The following HEPHL1 variants were observed in gnomAD, a reference collection of about 807,000 sequenced individuals.
HEPHL1 encodes ferroxidase HEPHL1.
A neutral mutation model predicts 122.0 loss-of-function variants in HEPHL1; 123 were observed. That is an observed-to-expected ratio of 1.01 (90% CI 0.87 to 1.17). The LOEUF is 1.17. Ranked by LOEUF, HEPHL1 falls within the 50% of genes most tolerant of loss-of-function variation. HEPHL1 has a pLI of 0.00. For synonymous variants in HEPHL1, 527 were observed against 508.9 expected, an observed-to-expected ratio of 1.04 and a Z score of -0.48; for missense variants, 1,452 against 1,430.5, an observed-to-expected ratio of 1.01 and a Z score of -0.24.
intron 2 of HEPHL1, among the ~76,000 whole-genome samples, chr11:94,062,863 C>T (rs10831163): frequency 0.34 from 50,948 of 152,070 alleles, 10,147 homozygotes; most frequent in South Asian, 0.47. Context: ...TGTTCTGCCC[C>T]TGCCCACTCT....
chr11:94,089,060 T>C, intron 12 of HEPHL1, 92 bp downstream of exon 12: 2 of 1,166,444 alleles, frequency 1.7e-6, no homozygotes, highest in Non-Finnish European at 2.6e-6. Flanking sequence ...ATTCCCAGGT[T>C]GTGTCTCCAC....
chr11:94,070,744 C>T (rs532412863), intron 6 of HEPHL1, among the ~76,000 whole-genome samples: 12 of 152,166 alleles, frequency 7.9e-5, no homozygotes, highest in East Asian at 1.9e-4. Flanking sequence ...TGTGACTTGA[C>T]GGCTGAATCA....
At chr11:94,028,093 C>A (rs1189508740) in intron 1 of HEPHL1, among the ~76,000 whole-genome samples, 1 of 152,176 alleles carries the variant, frequency 6.6e-6, no homozygotes, top group African/African-American at 2.4e-5. Flanking sequence ...CATTATTTTG[C>A]AGTTTATCTT....
At chr11:94,105,224 A>G (rs181151348) in intron 16 of HEPHL1, among the ~76,000 whole-genome samples, 4 of 152,316 alleles carry the variant, frequency 2.6e-5, no homozygotes, top group Admixed American at 2.6e-4. Context: ...ACACATCCAC[A>G]GTTTCTCACC....
chr11:94,042,305 A>AAGTC (rs1474285205), intron 1 of HEPHL1, among the ~76,000 whole-genome samples: 1 of 133,582 alleles, frequency 7.5e-6, no homozygotes, highest in Admixed American at 7.7e-5. Flanking sequence ...ACCATTGTGG[A>AAGTC]AGTCAGTGTG....
Position 94,073,413 on chromosome 11 carries a change from CATCT to C in HEPHL1, c.1479_1482del (p.Ser494MetfsTer6). The C allele has an allele frequency of 6.4e-7, 1 of 1,556,674 alleles. No homozygotes were observed. Among genetic ancestry groups the C allele is most frequent in the South Asian group, 1.2e-5 (1 of 84,422 alleles). ...CCCCATGGTGTGATCTATGACAAGG[CATCT>C]GATGCAGCCCCAAACCTAGATGGTA... On this transcript the variant is annotated frameshift_variant, in exon 8 of 20. Coordinates refer to ENST00000315765, the MANE Select transcript of HEPHL1 (RefSeq NM_001098672.2). LOFTEE classifies it high-confidence loss of function.
At chr11:94,108,452 A>G (rs1305741667) in intron 17 of HEPHL1, among the ~76,000 whole-genome samples, 1 of 151,980 alleles carries the variant, frequency 6.6e-6, no homozygotes, top group African/African-American at 2.4e-5. Flanking sequence ...TATAGATCAT[A>G]CTTTTGGTGT....
chr11:94,064,600 T>G, intron 4 of HEPHL1, 90 bp downstream of exon 4: 1 of 883,192 alleles, frequency 1.1e-6, no homozygotes. Flanking sequence ...AATGTTGATC[T>G]GAGTTTGGCA....
intron 3 of HEPHL1, 97 bp from the exon 4 acceptor site, chr11:94,064,234 C>A: frequency 1.2e-6 from 1 of 853,588 alleles, no homozygotes; most frequent in Non-Finnish European, 1.8e-6. Flanking sequence ...AGGTATAGGT[C>A]TTCACCAAAC....
At position 94,075,304 on chromosome 11, in the gene HEPHL1, T is replaced by A. The variant is rs762930481; in HGVS notation, c.1635T>A (p.Asp545Glu). 1 of 1,613,562 alleles carries A rather than the reference T, an allele frequency of 6.2e-7. No homozygotes were observed. Among genetic ancestry groups the A allele is most frequent in the African/African-American group, 1.3e-5 (1 of 75,018 alleles). ...CLTYLYFSAVDPIKDTSSGLV... is the reference protein window; with the variant it reads ...CLTYLYFSAVEPIKDTSSGLV... ...CCTATCTTTACTTCTCAGCAGTTGA[T>A]CCAATTAAGGACACCAGCTCTGGCC... The change falls in exon 9 of 20, where the codon GAT (aspartate) becomes GAA (glutamate). Residue 545 changes from aspartate to glutamate, a missense_variant. Coordinates refer to ENST00000315765, the MANE Select transcript of HEPHL1 (RefSeq NM_001098672.2).
At chr11:94,100,262 C>G (rs1031652306) in intron 13 of HEPHL1, among the ~76,000 whole-genome samples, 1 of 152,222 alleles carries the variant, frequency 6.6e-6, no homozygotes, top group Non-Finnish European at 1.5e-5. Context: ...AAAACCATGG[C>G]TTGAATCAGC....
intron 12 of HEPHL1, among the ~76,000 whole-genome samples, chr11:94,091,467 G>A (rs1246492467): frequency 1.3e-5 from 2 of 152,136 alleles, no homozygotes; most frequent in Non-Finnish European, 2.9e-5. Flanking sequence ...TAGAAGAAAA[G>A]TTCTCTTCCC....
intron 1 of HEPHL1, among the ~76,000 whole-genome samples, chr11:94,037,140 C>T (rs1396317750): frequency 3.3e-5 from 5 of 152,238 alleles, no homozygotes; most frequent in African/African-American, 4.8e-5. Context: ...CACTCCCACC[C>T]GAATATTGCG....
Position 94,093,504 on chromosome 11 carries a change from T to A in HEPHL1, c.2298T>A (p.His766Gln). The change falls in exon 13 of 20, where the codon CAT becomes CAA. Residue 766 changes from histidine to glutamine, a missense_variant. Transcript: ENST00000315765. Reference protein sequence around the residue: ...KQHVDARGERHGDIFMNRTEN... With the variant: ...KQHVDARGERQGDIFMNRTEN... ...TTCTGATGCTTCTGATTTGCAGACA[T>A]GGAGATATATTTATGAACCGCACTG... The A allele has an allele frequency of 5.0e-6, 8 of 1,613,338 alleles. No individual in the cohort carries two copies. The highest frequency in any genetic ancestry group is 6.8e-6 in the Non-Finnish European group (8 of 1,179,648).
intron 1 of HEPHL1, among the ~76,000 whole-genome samples, chr11:94,026,632 C>T (rs1327141148): frequency 6.6e-6 from 1 of 152,176 alleles, no homozygotes; most frequent in African/African-American, 2.4e-5. Context: ...TTACTATGCT[C>T]CAGGCATTGC....
rs547204083 is a variant in HEPHL1, at chr11:94,113,928, C to T, written c.*2034C>T. Reference sequence around the variant, plus strand: ...TAATATGACTTCTCAAACATTGTTTCCTCAAACATAACTACACTCCTTGTT... The same window carrying T: ...TAATATGACTTCTCAAACATTGTTTTCTCAAACATAACTACACTCCTTGTT... On this transcript the variant is annotated 3_prime_UTR_variant, in exon 20 of 20. Coordinates refer to ENST00000315765, the MANE Select transcript of HEPHL1 (RefSeq NM_001098672.2). Among the ~76,000 whole-genome samples the T allele has an allele frequency of 1.3e-5, 2 of 152,300 alleles. No individual in the cohort carries two copies. Among genetic ancestry groups the T allele is most frequent in the Admixed American group, 1.3e-4 (2 of 15,294 alleles).
rs1023163333 is a variant in HEPHL1, at chr11:94,113,565, A to G, written c.*1671A>G. ...TGTGATTTCATAGTACATGTTCTAC[A>G]GTTTTCATACATGTGTAGGCTGCAT... On this transcript the variant is annotated 3_prime_UTR_variant, in exon 20 of 20. Coordinates refer to ENST00000315765, the MANE Select transcript of HEPHL1 (RefSeq NM_001098672.2). The G allele has an allele frequency of 1.5e-4, 23 of 152,226 alleles. No homozygotes were observed. The highest frequency in any genetic ancestry group is 5.5e-4 in the African/African-American group (23 of 41,454). 9.4% of individuals were successfully genotyped at this position (152,226 alleles called of 1,614,324 possible).
intron 13 of HEPHL1, among the ~76,000 whole-genome samples, chr11:94,096,619 T>A (rs1946316896): frequency 6.6e-6 from 1 of 152,228 alleles, no homozygotes; most frequent in Non-Finnish European, 1.5e-5. Flanking sequence ...GTACCTCTGG[T>A]AGAATTCGGC....
At chr11:94,097,493 G>A (rs1565361517) in intron 13 of HEPHL1, among the ~76,000 whole-genome samples, 1 of 152,188 alleles carries the variant, frequency 6.6e-6, no homozygotes, top group Non-Finnish European at 1.5e-5. Context: ...TGTTTATTCT[G>A]CTGATTTGGG....
Sources: gnomAD v4.1 joint callset for allele counts (sites outside exome capture counted in the v4.1 genomes callset) on GRCh38, gnomAD v4.1.1 for gene constraint, MANE v1.5 for transcripts, NCBI Gene and HGNC (gene_info 2026-07-23, HGNC 2026-07-21) for gene names.